BBX: variants seen among roughly 807,000 people sequenced by gnomAD.
BBX encodes the protein BBX high mobility group box domain containing.
In BBX, 30 loss-of-function variants were observed where a neutral mutation model predicts 100.2. That is an observed-to-expected ratio of 0.30 (90% CI 0.22 to 0.41). The LOEUF is 0.41. Ranked by LOEUF, BBX falls within the 10% of genes least tolerant of loss-of-function variation. BBX has a pLI of 1.00. For synonymous variants in BBX, 376 were observed against 388.1 expected, an observed-to-expected ratio of 0.97 and a Z score of 0.37; for missense variants, 1,023 against 1,129.8, an observed-to-expected ratio of 0.91 and a Z score of 1.35.
chr3:107,560,965 C>G (rs1055606646), intron 2 of BBX, among the ~76,000 whole-genome samples: 1 of 152,096 alleles, frequency 6.6e-6, no homozygotes, highest in Admixed American at 6.6e-5. Context: ...TTGGAGAGTC[C>G]TTTGTTGTGG....
At chr3:107,571,644 A>G (rs1366844658) in intron 2 of BBX, among the ~76,000 whole-genome samples, 2 of 152,190 alleles carry the variant, frequency 1.3e-5, no homozygotes, top group Non-Finnish European at 2.9e-5. Context: ...CTCCCCACAG[A>G]GTGAGGGCGA....
intron 3 of BBX, among the ~76,000 whole-genome samples, chr3:107,708,551 G>A (rs533066537): frequency 6.6e-5 from 10 of 151,776 alleles, no homozygotes; most frequent in East Asian, 1.9e-4. Flanking sequence ...GCGGGCGCCC[G>A]TAGTCCCAGC....
chr3:107,562,139 G>T (rs543843718), intron 2 of BBX, among the ~76,000 whole-genome samples: 1 of 149,832 alleles, frequency 6.7e-6, no homozygotes, highest in Non-Finnish European at 1.5e-5. Flanking sequence ...CAAACATGTA[G>T]ATCTGGATTC....
At chr3:107,782,659 T>A (rs2068014337) in intron 13 of BBX, among the ~76,000 whole-genome samples, 1 of 152,122 alleles carries the variant, frequency 6.6e-6, no homozygotes, top group Non-Finnish European at 1.5e-5. Flanking sequence ...AAGGTTATTG[T>A]CAGTGTCCTT....
At chr3:107,738,799 A>G (rs1186135166) in intron 7 of BBX, among the ~76,000 whole-genome samples, 1 of 152,214 alleles carries the variant, frequency 6.6e-6, no homozygotes, top group African/African-American at 2.4e-5. Flanking sequence ...TTCTGGGGCC[A>G]GGCACTGTGT....
Position 107,584,208 on chromosome 3 carries a change from A to G in BBX, c.-84+57810A>G, listed in dbSNP as rs1306115649. Among the ~76,000 whole-genome samples the G allele has an allele frequency of 4.3e-5, 3 of 69,732 alleles. 1 individual carries two copies. Among genetic ancestry groups the G allele is most frequent in the African/African-American group, 1.6e-4 (3 of 19,102 alleles). The allele number at this position is 69,732 out of a possible 152,430, so 45.7% of individuals were successfully genotyped here. ...TATAATATATGATATATATATTATT[A>G]TATATATTATATATAATATGTATAA... On this transcript the variant is annotated intron_variant, in intron 2 of 17. Transcript: ENST00000325805.
At chr3:107,645,485 C>G (rs903879960) in intron 2 of BBX, among the ~76,000 whole-genome samples, 1 of 151,914 alleles carries the variant, frequency 6.6e-6, no homozygotes, top group South Asian at 2.1e-4. Context: ...GTTAGGGTGT[C>G]GATTTAACCC....
intron 2 of BBX, among the ~76,000 whole-genome samples, chr3:107,610,578 CTT>C (rs764210106): frequency 1.3e-5 from 2 of 151,968 alleles, no homozygotes; most frequent in Non-Finnish European, 2.9e-5. Flanking sequence ...TGAATTAACT[CTT>C]TTATCATTAT....
At chr3:107,542,358 G>A (rs1472656663) in intron 2 of BBX, among the ~76,000 whole-genome samples, 1 of 152,128 alleles carries the variant, frequency 6.6e-6, no homozygotes, top group Non-Finnish European at 1.5e-5. Flanking sequence ...TTCATAATTT[G>A]TATTTGAGTA....
chr3:107,637,056 A>C (rs2056892083), intron 2 of BBX, among the ~76,000 whole-genome samples: 1 of 152,238 alleles, frequency 6.6e-6, no homozygotes, highest in Non-Finnish European at 1.5e-5. Context: ...ATAAACTGGC[A>C]TTAACTTTTT....
intron 1 of BBX, 47 bp downstream of exon 1, chr3:107,523,154 T>C: frequency 6.1e-6 from 1 of 164,712 alleles, no homozygotes; most frequent in Non-Finnish European, 1.3e-5. Context: ...CTCCCCTCAC[T>C]TTCTGTTTTC....
At chr3:107,660,134 T>C (rs1272185273) in intron 3 of BBX, among the ~76,000 whole-genome samples, 1 of 152,184 alleles carries the variant, frequency 6.6e-6, no homozygotes, top group Non-Finnish European at 1.5e-5. Context: ...TGTTCATCTG[T>C]GTGTGATATA....
intron 3 of BBX, among the ~76,000 whole-genome samples, chr3:107,650,942 A>G (rs1051563667): frequency 1.1e-4 from 17 of 152,170 alleles, no homozygotes; most frequent in African/African-American, 3.6e-4. Flanking sequence ...TACCACCAGA[A>G]AGGGCTGCCT....
intron 2 of BBX, among the ~76,000 whole-genome samples, chr3:107,535,351 G>T (rs1358077625): frequency 1.3e-5 from 2 of 151,734 alleles, no homozygotes; most frequent in African/African-American, 4.8e-5. Context: ...TCTGACCTGG[G>T]GCTTGTAAAT....
chr3:107,687,334 CT>C (rs35093419), intron 3 of BBX, among the ~76,000 whole-genome samples: 22,241 of 144,702 alleles, frequency 0.15, 2,272 homozygotes, highest in African/African-American at 0.3. Flanking sequence ...AGTTAAGTTT[CT>C]TTTTTTTTTT....
At chr3:107,586,323 C>T (rs1576403340) in intron 2 of BBX, among the ~76,000 whole-genome samples, 1 of 152,064 alleles carries the variant, frequency 6.6e-6, no homozygotes, top group South Asian at 2.1e-4. Flanking sequence ...GTTGTACATA[C>T]GTATTCTGGT....
intron 3 of BBX, among the ~76,000 whole-genome samples, chr3:107,680,997 C>A (rs2059544487): frequency 6.6e-6 from 1 of 152,050 alleles, no homozygotes; most frequent in African/African-American, 2.4e-5. Context: ...GGTGGCCCAG[C>A]ATAGAGGGTA....
chr3:107,665,592 C>G (rs897743236), intron 3 of BBX, among the ~76,000 whole-genome samples: 1 of 152,106 alleles, frequency 6.6e-6, no homozygotes, highest in Non-Finnish European at 1.5e-5. Flanking sequence ...TTCTCTTCCT[C>G]TCTTTGTTCT....
intron 3 of BBX, among the ~76,000 whole-genome samples, chr3:107,676,351 T>G (rs1214996740): frequency 6.6e-6 from 1 of 152,200 alleles, no homozygotes; most frequent in Non-Finnish European, 1.5e-5. Context: ...ACCATTTAAT[T>G]GATCATAACT....
Sources: allele counts gnomAD v4.1 joint callset (sites outside exome capture counted in the v4.1 genomes callset), GRCh38; gene constraint gnomAD v4.1.1; transcripts MANE v1.5; gene names NCBI Gene and HGNC (gene_info 2026-07-23, HGNC 2026-07-21).